IL2RB: variants seen among roughly 807,000 people sequenced by gnomAD.
IL2RB encodes interleukin-2 receptor subunit beta.
Under a neutral mutation model 44.2 loss-of-function variants are expected in IL2RB, and 17 were observed. That is an observed-to-expected ratio of 0.38 (90% confidence interval 0.26 to 0.58). The LOEUF (loss-of-function observed/expected upper bound fraction) is 0.58. IL2RB is among the 20% of genes least tolerant of loss of function. IL2RB has a pLI of 0.63. For missense variants in IL2RB, 624 were observed against 685.5 expected (o/e 0.91, Z 1.00); for synonymous variants, 286 against 297.9 (o/e 0.96, Z 0.41).
At chr22:37,151,594 G>C (rs181401040), upstream of IL2RB, among the ~76,000 whole-genome samples, 205 of 152,242 alleles carry the variant, frequency 1.3e-3, no homozygotes, top group Middle Eastern at 3.4e-3. Context: ...TTTCTGCTTT[G>C]GTTGCATGTG....
At chr22:37,153,135 A>G (rs904837202), upstream of IL2RB, among the ~76,000 whole-genome samples, 3 of 152,028 alleles carry the variant, frequency 2.0e-5, no homozygotes, top group Non-Finnish European at 4.4e-5. Flanking sequence ...GGGTTTCCCC[A>G]TGTTGGCCAG....
intron 1 of IL2RB, among the ~76,000 whole-genome samples, chr22:37,161,169 A>G (rs781668832): frequency 6.6e-5 from 10 of 151,772 alleles, no homozygotes; most frequent in Non-Finnish European, 1.5e-4. Context: ...AAACGTGAAA[A>G]CCTCCCATTT....
chr22:37,128,332 G>T lies in IL2RB; in HGVS notation c.1420C>A (p.Pro474Thr), dbSNP rs1292282900. The T allele has an allele frequency of 2.0e-5, 30 of 1,501,584 alleles. No homozygotes were observed. Among genetic ancestry groups the T allele is most frequent in the Non-Finnish European group, 2.7e-5 (30 of 1,125,586 alleles). The allele number at this position is 1,501,584 out of a possible 1,614,324, so 93.0% of individuals were successfully genotyped here. A position where few individuals can be genotyped will look rare whatever the true frequency, so the allele number is the denominator to read the frequency against. ...PRDWDPQPLG[P>T]PTPGVPDLVD... Reference sequence around the variant, plus strand: ...AGGTCTGGGACTCCTGGGGTGGGAGGCCCCAGGGGCTGGGGGTCCCAGTCT... The same window carrying T: ...AGGTCTGGGACTCCTGGGGTGGGAGTCCCCAGGGGCTGGGGGTCCCAGTCT... The change falls in exon 10 of 10, where the codon CCT becomes ACT. Residue 474 changes from proline to threonine, a missense_variant. By Grantham distance (38) the Pro-to-Thr change is conservative (BLOSUM62 -1). Around this residue, in one of 3 missense-constraint regions of IL2RB, gnomAD observed 291 missense variants for 275.5 expected, o/e 1.06. Coordinates refer to ENST00000216223, the MANE Select transcript of IL2RB (RefSeq NM_000878.5). The surrounding 1 kb of genome is among the most constrained non-coding windows in gnomAD (Gnocchi z 4.5).
At chr22:37,135,802 C>T (rs552225426) in intron 7 of IL2RB, among the ~76,000 whole-genome samples, 85 of 152,034 alleles carry the variant, frequency 5.6e-4, no homozygotes, top group African/African-American at 1.7e-3. Flanking sequence ...GGCTTGAACT[C>T]GAAATGTGGT....
chr22:37,133,063 T>C (rs896596338), intron 8 of IL2RB, among the ~76,000 whole-genome samples: 2 of 152,204 alleles, frequency 1.3e-5, no homozygotes, highest in African/African-American at 4.8e-5. Flanking sequence ...CATTTTTGAT[T>C]TGCCCAAAGG....
intron 9 of IL2RB, among the ~76,000 whole-genome samples, chr22:37,131,064 G>A (rs1223410281): frequency 1.3e-5 from 2 of 152,248 alleles, no homozygotes; most frequent in Non-Finnish European, 2.9e-5. Context: ...CTACTCGGGA[G>A]ACTGAGGCAG....
chr22:37,137,496 AG>A, intron 6 of IL2RB, 90 bp downstream of exon 6: 1 of 1,391,018 alleles, frequency 7.2e-7, no homozygotes, highest in Admixed American at 1.8e-5. Flanking sequence ...CCTGGGGCTG[AG>A]GGGACCTCGA....
At chr22:37,170,461 C>T (rs2145743652) in intron 1 of IL2RB, among the ~76,000 whole-genome samples, 1 of 152,318 alleles carries the variant, frequency 6.6e-6, no homozygotes, top group East Asian at 1.9e-4. Flanking sequence ...CCGCTGCCCC[C>T]AGCCGTGGAG....
intron 1 of IL2RB, among the ~76,000 whole-genome samples, chr22:37,159,996 G>T (rs1222910190): frequency 6.6e-6 from 1 of 152,238 alleles, no homozygotes; most frequent in Non-Finnish European, 1.5e-5. Flanking sequence ...ATACAGGTTT[G>T]TGGGCACATT....
At chr22:37,155,612 G>A (rs1291235879) in intron 1 of IL2RB, among the ~76,000 whole-genome samples, 1 of 152,186 alleles carries the variant, frequency 6.6e-6, no homozygotes, top group Non-Finnish European at 1.5e-5. Flanking sequence ...GCCAGGATTA[G>A]AACCTAGGTC....
At chr22:37,161,361 G>C (rs1922864936) in intron 1 of IL2RB, among the ~76,000 whole-genome samples, 1 of 152,126 alleles carries the variant, frequency 6.6e-6, no homozygotes, top group Admixed American at 6.5e-5. Flanking sequence ...GTTTACATCT[G>C]GGTGCGCTGC....
chr22:37,163,088 C>T (rs1922938036), intron 1 of IL2RB, among the ~76,000 whole-genome samples: 1 of 152,246 alleles, frequency 6.6e-6, no homozygotes, highest in Non-Finnish European at 1.5e-5. Flanking sequence ...GCAGTCATCA[C>T]TGCTCTGGAG....
chr22:37,138,761 G>C lies in IL2RB; in HGVS notation c.388+356C>G, dbSNP rs3218289. On this transcript the variant is annotated intron_variant, in intron 5 of 9. Transcript: ENST00000216223. ...GTGACTTTCAACTAAGCCTCGAAACGTGAGTGGGAATTTTCCAGGTGTAAA... is the reference window on the plus strand; with the variant it reads ...GTGACTTTCAACTAAGCCTCGAAACCTGAGTGGGAATTTTCCAGGTGTAAA... Among the ~76,000 whole-genome samples, 6 of 152,342 alleles carry C rather than the reference G, an allele frequency of 3.9e-5. No homozygotes were observed. The East Asian group carries it at 1.2e-3, about 29-fold the overall frequency.
At chr22:37,157,618 A>G (rs572701652) in intron 1 of IL2RB, among the ~76,000 whole-genome samples, 4 of 152,340 alleles carry the variant, frequency 2.6e-5, no homozygotes, top group Admixed American at 6.5e-5. Flanking sequence ...GTTGGTCACC[A>G]TATTCCCACC....
intron 1 of IL2RB, among the ~76,000 whole-genome samples, chr22:37,164,470 G>A (rs1922997285): frequency 6.6e-6 from 1 of 150,556 alleles, no homozygotes; most frequent in Admixed American, 6.6e-5. Flanking sequence ...GGAGTGAGGG[G>A]TGAGGGGCCG....
At chr22:37,138,477 C>T (rs1393286398) in intron 5 of IL2RB, among the ~76,000 whole-genome samples, 3 of 152,248 alleles carry the variant, frequency 2.0e-5, no homozygotes, top group Non-Finnish European at 4.4e-5. Context: ...CACCCCACTG[C>T]TTCCCTGGAG....
chr22:37,149,770 C>T, intron 1 of IL2RB, 55 bp downstream of exon 1: 1 of 860,820 alleles, frequency 1.2e-6, no homozygotes, highest in Non-Finnish European at 1.4e-6. Flanking sequence ...GTGACTTTCA[C>T]TCCCAGCCCT....
chr22:37,167,728 G>A (rs992715479), intron 1 of IL2RB, among the ~76,000 whole-genome samples: 21 of 152,264 alleles, frequency 1.4e-4, no homozygotes, highest in African/African-American at 5.1e-4. Flanking sequence ...ACTGGGCATA[G>A]GTGGGAGGAT....
chr22:37,153,663 C>T (rs768319841), upstream of IL2RB, among the ~76,000 whole-genome samples: 10 of 152,130 alleles, frequency 6.6e-5, no homozygotes, highest in Non-Finnish European at 1.0e-4. Context: ...TCAAATATTC[C>T]CAGAAGCTTT....
Sources: allele counts gnomAD v4.1 joint callset (sites outside exome capture counted in the v4.1 genomes callset), GRCh38; gene constraint gnomAD v4.1.1; regional missense constraint gnomAD v4.1.1; non-coding constraint Gnocchi (gnomAD v3.1); transcripts MANE v1.5; gene names NCBI Gene and HGNC (gene_info 2026-07-23, HGNC 2026-07-21).